MYT1L: variants seen among roughly 807,000 people sequenced by gnomAD.
The protein encoded by MYT1L is myelin transcription factor 1-like protein.
MYT1L carries 12 observed loss-of-function variants against 126.7 expected under a neutral mutation model. The ratio of observed to expected loss-of-function variants is 0.09; its 90% CI spans 0.06 to 0.15. MYT1L has a LOEUF of 0.15. Among genes scored for constraint, MYT1L ranks in the 10% least tolerant of loss-of-function variants. The pLI is 1.00. For missense variants in MYT1L, 979 were observed against 1,585.2 expected, an observed-to-expected ratio of 0.62 and a Z score of 6.49; for synonymous variants, 541 against 604.2, an observed-to-expected ratio of 0.90 and a Z score of 1.53.
chr2:2,240,698 C>A (rs2149135279), intron 2 of MYT1L, among the ~76,000 whole-genome samples: 1 of 152,210 alleles, frequency 6.6e-6, no homozygotes, highest in Non-Finnish European at 1.5e-5. Flanking sequence ...TAGCGGTGTC[C>A]ACATTTTCCA....
intron 3 of MYT1L, among the ~76,000 whole-genome samples, chr2:2,132,532 C>T (rs2082506865): frequency 7.3e-6 from 1 of 137,184 alleles, no homozygotes; most frequent in Admixed American, 8.4e-5. Context: ...AATGAGAACA[C>T]ATGGACACAG....
intron 2 of MYT1L, among the ~76,000 whole-genome samples, chr2:2,202,966 A>G (rs1305930967): frequency 6.6e-6 from 1 of 151,984 alleles, no homozygotes; most frequent in Non-Finnish European, 1.5e-5. Context: ...GGCTGGTTCA[A>G]CATACACAAA....
chr2:1,809,703 A>G (rs889048814), intron 21 of MYT1L: 1 of 152,656 alleles, frequency 6.6e-6, no homozygotes, highest in Non-Finnish European at 1.5e-5. Context: ...CATAACTGCA[A>G]TCTCCTTATC....
At chr2:2,114,393 C>A (rs1559051676) in intron 3 of MYT1L, among the ~76,000 whole-genome samples, 1 of 152,244 alleles carries the variant, frequency 6.6e-6, no homozygotes, top group East Asian at 1.9e-4. Context: ...AATGAAAGAC[C>A]TTGAACATTT....
At chr2:2,204,745 A>C (rs1406795285) in intron 2 of MYT1L, among the ~76,000 whole-genome samples, 1 of 151,908 alleles carries the variant, frequency 6.6e-6, no homozygotes, top group Non-Finnish European at 1.5e-5. Context: ...CATTTGACCC[A>C]GCCATCCCAT....
At chr2:2,239,902 T>A (rs2094403839) in intron 2 of MYT1L, among the ~76,000 whole-genome samples, 1 of 152,192 alleles carries the variant, frequency 6.6e-6, no homozygotes. Flanking sequence ...CCCCTTGCAC[T>A]CATCTCTTTT....
intron 3 of MYT1L, among the ~76,000 whole-genome samples, chr2:2,144,657 A>G (rs990564475): frequency 6.6e-6 from 1 of 152,306 alleles, no homozygotes; most frequent in Non-Finnish European, 1.5e-5. Flanking sequence ...GTGAACCATG[A>G]AAGTCCAGCT....
At chr2:1,997,435 C>T (rs2061967551) in intron 4 of MYT1L, 88 bp from the exon 5 acceptor site, 1 of 152,512 alleles carries the variant, frequency 6.6e-6, no homozygotes, top group Admixed American at 6.5e-5. Flanking sequence ...TCTTTGCAAC[C>T]GTCAACATGC....
At chr2:2,110,023 G>A (rs949238331) in intron 3 of MYT1L, among the ~76,000 whole-genome samples, 24 of 151,098 alleles carry the variant, frequency 1.6e-4, no homozygotes, top group East Asian at 2.0e-4. Flanking sequence ...GCGTATGCAC[G>A]CATGGCATGG....
At chr2:2,070,786 C>T (rs1236947198) in intron 3 of MYT1L, among the ~76,000 whole-genome samples, 4 of 152,106 alleles carry the variant, frequency 2.6e-5, no homozygotes, top group Admixed American at 1.3e-4. Context: ...CTGGACTGAG[C>T]CCAGGACATC....
intron 2 of MYT1L, among the ~76,000 whole-genome samples, chr2:2,274,793 C>T (rs1049317087): frequency 4.6e-5 from 7 of 152,042 alleles, no homozygotes; most frequent in Admixed American, 3.9e-4. Context: ...AAGCATGCCA[C>T]GGTAAGATGG....
intron 15 of MYT1L, among the ~76,000 whole-genome samples, 156 bp downstream of exon 15, chr2:1,891,881 A>G (rs566356688): frequency 6.6e-6 from 1 of 152,152 alleles, no homozygotes; most frequent in African/African-American, 2.4e-5. Context: ...CGTTAAGGGA[A>G]GCTGCACTAA....
chr2:2,325,094 T>A (rs894287617), intron 1 of MYT1L: 2 of 152,486 alleles, frequency 1.3e-5, no homozygotes, highest in African/African-American at 4.8e-5. Flanking sequence ...CTAGGCAATA[T>A]ATCTAAAAAT....
chr2:2,300,895 C>T (rs1030217010), intron 1 of MYT1L, among the ~76,000 whole-genome samples: 5 of 152,164 alleles, frequency 3.3e-5, no homozygotes, highest in African/African-American at 1.2e-4. Context: ...AAAACTAAGT[C>T]CTGATTTTTG....
chr2:2,036,863 C>T (rs11127381), intron 4 of MYT1L, among the ~76,000 whole-genome samples: 6,424 of 152,260 alleles, frequency 0.042, 199 homozygotes, highest in Non-Finnish European at 0.065. Context: ...GCTTCCACCA[C>T]ACTTCAATTT....
rs947335457 is a variant in MYT1L, at chr2:1,835,239, G to T, written c.3080+3910C>A. On this transcript the variant is annotated intron_variant, in intron 21 of 24. Transcript: ENST00000647738. ...CAAAAATTCATTTAATACTTGTACT[G>T]ACTCAATATCATAGCTTAGCCTAGC... Among the ~76,000 whole-genome samples, 10 of 152,202 alleles carry T rather than the reference G, an allele frequency of 6.6e-5. 1 individual carries two copies. Among genetic ancestry groups the T allele is most frequent in the African/African-American group, 2.2e-4 (9 of 41,434 alleles).
intron 3 of MYT1L, among the ~76,000 whole-genome samples, chr2:2,111,421 G>A (rs2079441936): frequency 6.6e-6 from 1 of 152,212 alleles, no homozygotes; most frequent in African/African-American, 2.4e-5. Flanking sequence ...AACGGCAGAG[G>A]AGATTTTAGC....
At chr2:1,956,601 T>C (rs2058481673) in intron 8 of MYT1L, among the ~76,000 whole-genome samples, 1 of 150,816 alleles carries the variant, frequency 6.6e-6, no homozygotes, top group African/African-American at 2.5e-5. Flanking sequence ...TCTATCTATC[T>C]ATCTATCTAT....
intron 5 of MYT1L, among the ~76,000 whole-genome samples, chr2:1,994,676 C>T (rs1041868142): frequency 5.3e-5 from 8 of 152,168 alleles, no homozygotes; most frequent in African/African-American, 1.9e-4. Flanking sequence ...ATCTATAGGG[C>T]TGTTCTGAGA....
Sources: allele counts gnomAD v4.1 joint callset (sites outside exome capture counted in the v4.1 genomes callset), GRCh38; gene constraint gnomAD v4.1.1; transcripts MANE v1.5; gene names NCBI Gene and HGNC (gene_info 2026-07-23, HGNC 2026-07-21).